NKAIN3: variants seen among roughly 807,000 people sequenced by gnomAD.
NKAIN3 encodes sodium/potassium transporting ATPase interacting 3, also known as sodium/potassium-transporting ATPase subunit beta-1-interacting protein 3.
A neutral mutation model predicts 30.2 loss-of-function variants in NKAIN3; 25 were observed. The ratio of observed to expected loss-of-function variants is 0.83; its 90% CI spans 0.60 to 1.16. The LOEUF is 1.16. Among genes scored for constraint, NKAIN3 ranks in the 50% most tolerant of loss-of-function variants. The pLI, the probability that NKAIN3 is intolerant of heterozygous loss-of-function variation, is 0.00. For synonymous variants in NKAIN3, 91 were observed against 89.6 expected, an observed-to-expected ratio of 1.02 and a Z score of -0.09; for missense variants, 225 against 254.1, an observed-to-expected ratio of 0.89 and a Z score of 0.78.
chr8:62,401,011 C>CTT (rs142003061), intron 1 of NKAIN3, among the ~76,000 whole-genome samples: 5,482 of 137,636 alleles, frequency 0.04, 324 homozygotes, highest in African/African-American at 0.13. Context: ...AACTTTCTAC[C>CTT]TTTCTCTCAC....
chr8:62,759,932 A>G (rs919028608), intron 4 of NKAIN3, among the ~76,000 whole-genome samples: 1 of 152,206 alleles, frequency 6.6e-6, no homozygotes, highest in African/African-American at 2.4e-5. Context: ...TTTACAAGAA[A>G]AAAACAAACA....
intron 3 of NKAIN3, among the ~76,000 whole-genome samples, chr8:62,689,268 C>T (rs1238534087): frequency 6.6e-6 from 1 of 152,102 alleles, no homozygotes; most frequent in Non-Finnish European, 1.5e-5. Flanking sequence ...GCACTAAGTA[C>T]CTATAGTCTC....
chr8:62,527,286 T>C (rs1367840627), intron 1 of NKAIN3, among the ~76,000 whole-genome samples: 1 of 152,162 alleles, frequency 6.6e-6, no homozygotes, highest in East Asian at 1.9e-4. Flanking sequence ...AGATTGACCA[T>C]TGCTGTGAGG....
chr8:62,899,860 T>C (rs1426802069), intron 4 of NKAIN3, among the ~76,000 whole-genome samples: 1 of 152,038 alleles, frequency 6.6e-6, no homozygotes, highest in Non-Finnish European at 1.5e-5. Context: ...ACCCCACAAA[T>C]ACATACACCT....
intron 4 of NKAIN3, chr8:62,862,951 GTGTC>G (rs1820298726): frequency 2.3e-6 from 1 of 427,180 alleles, no homozygotes; most frequent in Admixed American, 3.6e-5. Flanking sequence ...AGTGTTTTAA[GTGTC>G]TGTGTGTATG....
intron 3 of NKAIN3, among the ~76,000 whole-genome samples, chr8:62,682,813 A>G (rs1813684236): frequency 6.6e-6 from 1 of 152,060 alleles, no homozygotes; most frequent in Non-Finnish European, 1.5e-5. Flanking sequence ...CCATCCCTCA[A>G]AGCAGCTGCA....
intron 1 of NKAIN3, among the ~76,000 whole-genome samples, chr8:62,479,582 A>T (rs1244789282): frequency 6.6e-6 from 1 of 152,200 alleles, no homozygotes; most frequent in Non-Finnish European, 1.5e-5. Flanking sequence ...TCTTGAAAAT[A>T]AAAGATCAGT....
At chr8:62,712,896 G>C (rs543152192) in intron 3 of NKAIN3, among the ~76,000 whole-genome samples, 1 of 152,300 alleles carries the variant, frequency 6.6e-6, no homozygotes, top group South Asian at 2.1e-4. Context: ...CAGTTCCCAG[G>C]GCCTTTCTGC....
At chr8:62,778,172 C>A (rs139530241) in intron 4 of NKAIN3, among the ~76,000 whole-genome samples, 2 of 152,202 alleles carry the variant, frequency 1.3e-5, no homozygotes, top group African/African-American at 4.8e-5. Context: ...AGCACTGAGT[C>A]TCTCCCACAG....
chr8:62,856,961 CAA>C, intron 4 of NKAIN3: 6 of 471,452 alleles, frequency 1.3e-5, no homozygotes, highest in East Asian at 5.2e-5. Flanking sequence ...GAGGCATCAA[CAA>C]AAAAAAAACA....
intron 1 of NKAIN3, among the ~76,000 whole-genome samples, chr8:62,515,841 T>C (rs916270395): frequency 1.1e-4 from 16 of 152,290 alleles, no homozygotes; most frequent in African/African-American, 3.8e-4. Context: ...TTTGTTCATA[T>C]ACTTGTTAAT....
intron 1 of NKAIN3, among the ~76,000 whole-genome samples, chr8:62,507,156 T>C (rs1807669050): frequency 6.6e-6 from 1 of 152,196 alleles, no homozygotes; most frequent in Non-Finnish European, 1.5e-5. Flanking sequence ...AGAAAAAATA[T>C]TTTTATTATA....
chr8:62,903,802 C>T (rs181897931), intron 4 of NKAIN3, among the ~76,000 whole-genome samples: 2 of 152,076 alleles, frequency 1.3e-5, no homozygotes, highest in African/African-American at 2.4e-5. Context: ...CAGAAGGCAC[C>T]TTTTCACAGG....
At chr8:62,666,182 C>A (rs895980883) in intron 3 of NKAIN3, among the ~76,000 whole-genome samples, 1 of 152,128 alleles carries the variant, frequency 6.6e-6, no homozygotes, top group Non-Finnish European at 1.5e-5. Context: ...CACTGCACTC[C>A]AGGCTGGGCG....
chr8:62,935,422 G>A (rs949405780), intron 5 of NKAIN3, among the ~76,000 whole-genome samples: 2 of 152,034 alleles, frequency 1.3e-5, no homozygotes, highest in African/African-American at 4.8e-5. Flanking sequence ...CTTGTATAAG[G>A]TAATGACACC....
intron 1 of NKAIN3, among the ~76,000 whole-genome samples, chr8:62,550,666 T>G (rs1350756313): frequency 6.6e-6 from 1 of 152,212 alleles, no homozygotes; most frequent in Non-Finnish European, 1.5e-5. Flanking sequence ...TGGATTTGCA[T>G]GCAAATAAAA....
intron 3 of NKAIN3, among the ~76,000 whole-genome samples, chr8:62,598,876 C>T (rs1251688615): frequency 6.6e-6 from 1 of 152,006 alleles, no homozygotes; most frequent in Non-Finnish European, 1.5e-5. Context: ...CTGTTGTCCA[C>T]CTGCTCACTA....
intron 1 of NKAIN3, among the ~76,000 whole-genome samples, chr8:62,458,527 G>T (rs1805892342): frequency 6.6e-6 from 1 of 152,174 alleles, no homozygotes; most frequent in South Asian, 2.1e-4. Context: ...ATCTGTCACT[G>T]TGAAGGCCTG....
chr8:62,964,209 C>T (rs569001565), intron 6 of NKAIN3, among the ~76,000 whole-genome samples: 1 of 152,316 alleles, frequency 6.6e-6, no homozygotes, highest in South Asian at 2.1e-4. Flanking sequence ...TGGAAGTCTT[C>T]TTCACAGTAG....
Sources: allele counts gnomAD v4.1 joint callset (sites outside exome capture counted in the v4.1 genomes callset), GRCh38; gene constraint gnomAD v4.1.1; transcripts MANE v1.5; gene names NCBI Gene and HGNC (gene_info 2026-07-23, HGNC 2026-07-21).